Variants in PLEKHA5 observed in about 807,000 individuals in gnomAD.
PLEKHA5 encodes the protein pleckstrin homology domain containing A5.
In PLEKHA5, 55 loss-of-function variants were observed where a neutral mutation model predicts 181.9. The ratio of observed to expected loss-of-function variants is 0.30; its 90% confidence interval spans 0.24 to 0.38. The LOEUF is 0.38. Among genes scored for constraint, PLEKHA5 ranks in the 10% least tolerant of loss-of-function variants. The pLI is 1.00. For missense variants in PLEKHA5, 1,432 were observed against 1,549.5 expected (o/e 0.92, Z 1.27); for synonymous variants, 535 against 529.4 (o/e 1.01, Z -0.15).
intron 29 of PLEKHA5, among the ~76,000 whole-genome samples, chr12:19,361,939 G>A (rs2095256463): frequency 6.6e-6 from 1 of 152,070 alleles, no homozygotes; most frequent in African/African-American, 2.4e-5. Flanking sequence ...GAAAGGCCAA[G>A]GCAGGAGGAT....
At chr12:19,296,479 CAG>C (rs1267456873) in intron 15 of PLEKHA5, among the ~76,000 whole-genome samples, 1 of 150,804 alleles carries the variant, frequency 6.6e-6, no homozygotes, top group Admixed American at 6.6e-5. Flanking sequence ...AGCTAGGAAG[CAG>C]AGGTTGCAGT....
chr12:19,258,086 T>C (rs989207767), intron 6 of PLEKHA5, among the ~76,000 whole-genome samples: 11 of 152,146 alleles, frequency 7.2e-5, no homozygotes, highest in Admixed American at 2.0e-4. Context: ...AATTTGCTCA[T>C]ACAGGGTTTA....
chr12:19,374,149 A>G (rs2095654864), intron 31 of PLEKHA5, among the ~76,000 whole-genome samples: 1 of 152,170 alleles, frequency 6.6e-6, no homozygotes, highest in Non-Finnish European at 1.5e-5. Context: ...ACTACGATGT[A>G]GGCAGCTCAA....
At chr12:19,310,086 C>T (rs2085893775) in intron 15 of PLEKHA5, among the ~76,000 whole-genome samples, 1 of 152,020 alleles carries the variant, frequency 6.6e-6, no homozygotes, top group African/African-American at 2.4e-5. Context: ...TATAATTTAG[C>T]AATTAAATGT....
intron 4 of PLEKHA5, among the ~76,000 whole-genome samples, 188 bp downstream of exon 4, chr12:19,254,211 AAT>A (rs2066206103): frequency 6.6e-6 from 1 of 152,176 alleles, no homozygotes; most frequent in Non-Finnish European, 1.5e-5. Context: ...TGAAGAATGT[AAT>A]TTCAGAAGCT....
chr12:19,279,813 T>C (rs1398320668), intron 11 of PLEKHA5, among the ~76,000 whole-genome samples: 1 of 152,016 alleles, frequency 6.6e-6, no homozygotes, highest in Non-Finnish European at 1.5e-5. Flanking sequence ...AAAACTTGGC[T>C]GTCTTGATTT....
In PLEKHA5 at chr12:19,314,942, C is replaced by T; in HGVS notation, c.2118+48C>T. Reference sequence around the variant, plus strand: ...ATACTGCTTTATCATCTGCAAAATCCCTCAGTGACAGTTTTGATTTATTCT... The same window carrying T: ...ATACTGCTTTATCATCTGCAAAATCTCTCAGTGACAGTTTTGATTTATTCT... On this transcript the variant is annotated intron_variant, in intron 16 of 31. Transcript: ENST00000429027. 2 of 913,478 alleles carry T rather than the reference C, an allele frequency of 2.2e-6. 1 individual carries two copies. Among genetic ancestry groups the T allele is most frequent in the South Asian group, 2.8e-5 (2 of 71,392 alleles). 56.6% of individuals were successfully genotyped at this position (913,478 alleles called of 1,614,324 possible).
At chr12:19,331,629 C>G (rs925815372) in intron 20 of PLEKHA5, among the ~76,000 whole-genome samples, 1 of 152,106 alleles carries the variant, frequency 6.6e-6, no homozygotes, top group African/African-American at 2.4e-5. Flanking sequence ...TTCACTTTCT[C>G]CCCCGCACAG....
At chr12:19,234,842 G>T (rs2061172062) in intron 3 of PLEKHA5, among the ~76,000 whole-genome samples, 1 of 152,012 alleles carries the variant, frequency 6.6e-6, no homozygotes, top group Non-Finnish European at 1.5e-5. Context: ...TTGATTTGGG[G>T]GTAAGGATAG....
At chr12:19,315,917 A>G (rs1054705211) in intron 16 of PLEKHA5, among the ~76,000 whole-genome samples, 6 of 152,120 alleles carry the variant, frequency 3.9e-5, no homozygotes, top group African/African-American at 1.2e-4. Flanking sequence ...TATTTAAAGT[A>G]TATTATTAGA....
intron 20 of PLEKHA5, among the ~76,000 whole-genome samples, chr12:19,331,801 T>C (rs1411040803): frequency 6.6e-6 from 1 of 152,088 alleles, no homozygotes; most frequent in Admixed American, 6.6e-5. Context: ...GGCAGGAGAA[T>C]TGCTTTAGCC....
intron 11 of PLEKHA5, among the ~76,000 whole-genome samples, chr12:19,277,306 TTTC>T (rs1173607612): frequency 6.6e-6 from 1 of 152,184 alleles, no homozygotes; most frequent in Non-Finnish European, 1.5e-5. Flanking sequence ...AAAATCATAC[TTTC>T]TTAAGTTTAA....
At chr12:19,161,103 A>G (rs978559805) in intron 3 of PLEKHA5, among the ~76,000 whole-genome samples, 3 of 152,170 alleles carry the variant, frequency 2.0e-5, no homozygotes, top group African/African-American at 7.2e-5. Flanking sequence ...TTCTTAGTAG[A>G]GCTATATTAA....
At chr12:19,188,934 C>T (rs2050446995) in intron 3 of PLEKHA5, among the ~76,000 whole-genome samples, 1 of 152,160 alleles carries the variant, frequency 6.6e-6, no homozygotes. Flanking sequence ...CCTCTGGTAA[C>T]TTTTGGGGTT....
At chr12:19,307,506 CAA>C (rs2084429853) in intron 15 of PLEKHA5, 8 of 301,982 alleles carry the variant, frequency 2.6e-5, no homozygotes, top group Non-Finnish European at 4.6e-5. Flanking sequence ...GAAAAGAGTA[CAA>C]GAAGCACACT....
intron 3 of PLEKHA5, among the ~76,000 whole-genome samples, chr12:19,140,135 A>C (rs1423534453): frequency 2.0e-5 from 3 of 152,190 alleles, no homozygotes; most frequent in African/African-American, 7.2e-5. Context: ...AAATGAAATA[A>C]ACCAAAAAAT....
In PLEKHA5 at chr12:19,130,221, G is replaced by C; in HGVS notation, c.169+91G>C. On this transcript the variant is annotated intron_variant, in intron 2 of 31. Transcript: ENST00000429027. This position sits in a 1 kb window ranked among gnomAD's most constrained non-coding sequence, Gnocchi z 4.5. ...CTCCCCGCAACCTGCCCCGCGCCGCGGGCCCCGGGAGGCGGCGAGGCGGGG... is the reference window on the plus strand; with the variant it reads ...CTCCCCGCAACCTGCCCCGCGCCGCCGGCCCCGGGAGGCGGCGAGGCGGGG... 1 of 728,130 alleles carries C rather than the reference G, an allele frequency of 1.4e-6. No homozygotes were observed. Among genetic ancestry groups the C allele is most frequent in the Non-Finnish European group, 1.9e-6 (1 of 524,766 alleles). The allele number at this position is 728,130 out of a possible 1,614,324, so 45.1% of individuals were successfully genotyped here.
chr12:19,298,408 C>CTTTTT lies in PLEKHA5; in HGVS notation c.2037+6728_2037+6732dup, dbSNP rs533661916. Among the ~76,000 whole-genome samples, 75 of 106,310 alleles carry CTTTTT rather than the reference C, an allele frequency of 7.1e-4. 2 individuals are homozygous for CTTTTT. The highest frequency in any genetic ancestry group is 1.7e-3 in the East Asian group (6 of 3,626). The allele number at this position is 106,310 out of a possible 152,430, so 69.7% of individuals were successfully genotyped here. ...GCAGTAATCTGTCCTATTTTTTTAG[C>CTTTTT]TTTTTTTTTTTTTTTTTTTTTGTAA... On this transcript the variant is annotated intron_variant, in intron 15 of 31. Transcript: ENST00000429027.
intron 3 of PLEKHA5, among the ~76,000 whole-genome samples, chr12:19,155,725 A>G (rs2041531425): frequency 6.6e-6 from 1 of 152,252 alleles, no homozygotes; most frequent in African/African-American, 2.4e-5. Context: ...TACTATAGAT[A>G]TAATGTTTTT....
Sources: gnomAD v4.1 joint callset for allele counts (sites outside exome capture counted in the v4.1 genomes callset) on GRCh38, gnomAD v4.1.1 for gene constraint, Gnocchi (gnomAD v3.1) non-coding constraint, MANE v1.5 for transcripts, NCBI Gene and HGNC (gene_info 2026-07-23, HGNC 2026-07-21) for gene names.